Variants in RBFOX1 observed in about 807,000 individuals in gnomAD.
RBFOX1 encodes the protein RNA binding fox-1 homolog 1.
Under a neutral mutation model 57.7 loss-of-function variants are expected in RBFOX1, and 8 were observed. The ratio of observed to expected loss-of-function variants is 0.14; its 90% CI spans 0.08 to 0.25. RBFOX1 has a LOEUF of 0.25. Ranked by LOEUF, RBFOX1 falls within the 10% of genes least tolerant of loss-of-function variation. The pLI, the probability that RBFOX1 is intolerant of heterozygous loss-of-function variation, is 1.00. For synonymous variants in RBFOX1, 326 were observed against 222.4 expected (o/e 1.47, Z -4.15); for missense variants, 611 against 548.5 (o/e 1.11, Z -1.14).
chr16:6,707,965 A>G (rs1224470717), intron 3 of RBFOX1, among the ~76,000 whole-genome samples: 2 of 152,164 alleles, frequency 1.3e-5, no homozygotes, highest in Non-Finnish European at 2.9e-5. Context: ...AGCAGGATGC[A>G]TTGTAAAAGA....
At chr16:5,414,792 G>C (rs746251327) in intron 1 of RBFOX1, among the ~76,000 whole-genome samples, 7 of 152,138 alleles carry the variant, frequency 4.6e-5, no homozygotes, top group Admixed American at 4.6e-4. Context: ...TGGACATAAC[G>C]TGACATATAG....
At position 6,848,364 on chromosome 16, in the gene RBFOX1, A is replaced by G. The variant is rs183209474; in HGVS notation, c.-16+193714A>G. Among the ~76,000 whole-genome samples, 25 of 152,236 alleles carry G rather than the reference A, an allele frequency of 1.6e-4. No individual in the cohort carries two copies. In the East Asian group the frequency reaches 4.1e-3, roughly 25 times the overall value. ...TGCATTTTTTATGAGTGAAATTTAT[A>G]GTTTTTGAATGTTAGTCACTAATAC... On this transcript the variant is annotated intron_variant, in intron 3 of 15. Transcript: ENST00000550418.
At chr16:5,498,776 T>A (rs1439116564) in intron 2 of RBFOX1, among the ~76,000 whole-genome samples, 1 of 152,240 alleles carries the variant, frequency 6.6e-6, no homozygotes, top group Non-Finnish European at 1.5e-5. Flanking sequence ...GGCAATTATA[T>A]TTTTGCGTCT....
At position 6,320,507 on chromosome 16, in the gene RBFOX1, AT is replaced by A. The variant is rs201760490; in HGVS notation, c.-64+3459del. ...AGTATTGAAATAAAAATAAAATTTAATTTTTTTTTAAATTGCGAAGATTTAA... is the reference window on the plus strand; with the variant it reads ...AGTATTGAAATAAAAATAAAATTTAATTTTTTTTAAATTGCGAAGATTTAA... On this transcript the variant is annotated intron_variant, in intron 2 of 15. Transcript: ENST00000550418. Among the ~76,000 whole-genome samples the A allele has an allele frequency of 9.5e-3, 1,449 of 151,748 alleles. 14 individuals carry two copies. The highest frequency in any genetic ancestry group is 0.031 in the African/African-American group (1,276 of 41,392).
intron 4 of RBFOX1, among the ~76,000 whole-genome samples, chr16:5,953,760 G>T (rs923242726): frequency 6.6e-6 from 1 of 150,970 alleles, no homozygotes; most frequent in Non-Finnish European, 1.5e-5. Context: ...TTGATTGATG[G>T]ACATTTGAGT....
intron 2 of RBFOX1, among the ~76,000 whole-genome samples, chr16:6,612,670 G>A (rs141168334): frequency 5.4e-4 from 82 of 151,902 alleles, no homozygotes; most frequent in African/African-American, 1.9e-3. Context: ...TGGCCAACAT[G>A]ACAAAACCCC....
chr16:7,617,909 A>G (rs1197949497), intron 10 of RBFOX1, among the ~76,000 whole-genome samples: 1 of 152,160 alleles, frequency 6.6e-6, no homozygotes, highest in Admixed American at 6.5e-5. Context: ...ACCTGGTAAG[A>G]AAGTGGGTAA....
At chr16:6,731,530 T>G (rs1044886395) in intron 3 of RBFOX1, among the ~76,000 whole-genome samples, 3 of 152,148 alleles carry the variant, frequency 2.0e-5, no homozygotes, top group African/African-American at 7.2e-5. Context: ...CTCAGGATTA[T>G]GGGAAGTTGC....
intron 11 of RBFOX1, among the ~76,000 whole-genome samples, 154 bp downstream of exon 11, chr16:7,630,837 C>T (rs370995425): frequency 6.6e-6 from 1 of 152,136 alleles, no homozygotes; most frequent in African/African-American, 2.4e-5. Context: ...TGTCTGTCTC[C>T]CATGCCACTT....
intron 2 of RBFOX1, among the ~76,000 whole-genome samples, chr16:6,653,116 T>C (rs1206372685): frequency 6.6e-6 from 1 of 152,182 alleles, no homozygotes; most frequent in Non-Finnish European, 1.5e-5. Flanking sequence ...TGGGATGTTC[T>C]CTTCCCCAGT....
chr16:6,369,395 A>G (rs906913854), intron 2 of RBFOX1, among the ~76,000 whole-genome samples: 1 of 152,102 alleles, frequency 6.6e-6, no homozygotes, highest in Non-Finnish European at 1.5e-5. Context: ...TGAAGGAAAA[A>G]GAAAGGAGGC....
chr16:7,290,450 C>T (rs753882747), intron 4 of RBFOX1, among the ~76,000 whole-genome samples: 3 of 152,194 alleles, frequency 2.0e-5, no homozygotes, highest in South Asian at 2.1e-4. Context: ...CATGTCCTTT[C>T]GTAGTTGAGC....
In RBFOX1 at chr16:7,586,706, T is replaced by C. The variant is rs191432622; in HGVS notation, c.415-541T>C. 3.0e-3 allele frequency among the ~76,000 whole-genome samples: 463 copies of C among 152,340 alleles called. 1 individual carries two copies. Among genetic ancestry groups the C allele is most frequent in the Admixed American group, 6.9e-3 (105 of 15,300 alleles). ...CTTGAGAGAATTTCAGCCCAAGCAC[T>C]GATCACAACTGCTGATACCATCATG... On this transcript the variant is annotated intron_variant, in intron 6 of 15. Coordinates refer to ENST00000550418, the MANE Select transcript of RBFOX1 (RefSeq NM_018723.4).
chr16:5,536,602 G>T (rs2044707831), intron 2 of RBFOX1, among the ~76,000 whole-genome samples: 1 of 152,072 alleles, frequency 6.6e-6, no homozygotes, highest in Non-Finnish European at 1.5e-5. Context: ...TTCCAGGGAC[G>T]AAGGGTTTGT....
At chr16:7,328,264 G>A (rs2096638323) in intron 4 of RBFOX1, among the ~76,000 whole-genome samples, 1 of 152,150 alleles carries the variant, frequency 6.6e-6, no homozygotes, top group East Asian at 1.9e-4. Flanking sequence ...GGTAGATCAT[G>A]AGGTCAGGAG....
chr16:6,789,355 A>T (rs1033830504), intron 3 of RBFOX1, among the ~76,000 whole-genome samples: 1 of 152,138 alleles, frequency 6.6e-6, no homozygotes, highest in Non-Finnish European at 1.5e-5. Flanking sequence ...TTTGAGATGT[A>T]TTCCAGAATG....
chr16:6,154,591 C>T (rs2096825794), intron 1 of RBFOX1, among the ~76,000 whole-genome samples: 1 of 152,120 alleles, frequency 6.6e-6, no homozygotes, highest in South Asian at 2.1e-4. Context: ...CCCTCTCTGG[C>T]ATTATTGCTG....
At position 6,802,524 on chromosome 16, in the gene RBFOX1, A is replaced by G. The variant is rs77358704; in HGVS notation, c.-16+147874A>G. 6.8e-3 allele frequency among the ~76,000 whole-genome samples: 1,036 copies of G among 152,166 alleles called. 12 individuals are homozygous for G. The highest frequency in any genetic ancestry group is 0.024 in the African/African-American group (983 of 41,492). On this transcript the variant is annotated intron_variant, in intron 3 of 15. Transcript: ENST00000550418. ...AAACCCTGTCTCTACTTAAAATACAAAAGTTACTCGGGCATGGTGGTGCAC... is the reference window on the plus strand; with the variant it reads ...AAACCCTGTCTCTACTTAAAATACAGAAGTTACTCGGGCATGGTGGTGCAC...
chr16:6,873,546 A>T (rs1567661296), intron 3 of RBFOX1, among the ~76,000 whole-genome samples: 1 of 152,054 alleles, frequency 6.6e-6, no homozygotes, highest in Admixed American at 6.6e-5. Context: ...TTTTCAGCTT[A>T]AAAAAAAGAA....
Sources: allele counts gnomAD v4.1 joint callset (sites outside exome capture counted in the v4.1 genomes callset), GRCh38; gene constraint gnomAD v4.1.1; transcripts MANE v1.5; gene names NCBI Gene and HGNC (gene_info 2026-07-23, HGNC 2026-07-21).